The following CA8 variants were observed in gnomAD, a reference collection of about 807,000 sequenced individuals.
The protein encoded by CA8 is carbonic anhydrase-related protein.
CA8 carries 22 observed loss-of-function variants against 41.4 expected under a neutral mutation model. The observed-to-expected ratio is 0.53, with a 90% confidence interval of 0.38 to 0.76. The LOEUF (loss-of-function observed/expected upper bound fraction) is 0.76. Ranked by LOEUF, CA8 falls within the 30% of genes least tolerant of loss-of-function variation. The pLI is 0.00. For missense variants in CA8, 270 were observed against 352.8 expected, an observed-to-expected ratio of 0.77 and a Z score of 1.88; for synonymous variants, 121 against 130.6, an observed-to-expected ratio of 0.93 and a Z score of 0.50.
At chr8:60,250,440 G>A (rs1563369697) in intron 3 of CA8, among the ~76,000 whole-genome samples, 1 of 152,182 alleles carries the variant, frequency 6.6e-6, no homozygotes. Context: ...GGAACCAAAA[G>A]CTCCTCTTTT....
At chr8:60,219,164 C>CA (rs1807141966) in intron 7 of CA8, among the ~76,000 whole-genome samples, 1 of 144,080 alleles carries the variant, frequency 6.9e-6, no homozygotes, top group Non-Finnish European at 1.5e-5. Context: ...GTTATTCTGC[C>CA]TTTTTTTTTT....
chr8:60,200,730 T>A (rs10109479), intron 8 of CA8, among the ~76,000 whole-genome samples: 72,111 of 129,528 alleles, frequency 0.56, 18,657 homozygotes, highest in African/African-American at 0.71. Context: ...TGACAATAAC[T>A]AACCACCACA....
At chr8:60,252,096 C>G (rs1808474708) in intron 3 of CA8, among the ~76,000 whole-genome samples, 1 of 152,096 alleles carries the variant, frequency 6.6e-6, no homozygotes, top group African/African-American at 2.4e-5. Context: ...TCTTTATATT[C>G]TATTTTAAAA....
chr8:60,262,982 T>C (rs912010426), intron 3 of CA8, among the ~76,000 whole-genome samples: 60 of 152,190 alleles, frequency 3.9e-4, no homozygotes, highest in Admixed American at 3.5e-3. Context: ...AAAATCTCTT[T>C]AGGGCTGTTG....
intron 3 of CA8, among the ~76,000 whole-genome samples, chr8:60,244,726 A>T (rs982885848): frequency 6.6e-6 from 1 of 152,230 alleles, no homozygotes; most frequent in Non-Finnish European, 1.5e-5. Context: ...TACAATTTAC[A>T]ATAAAATGCA....
chr8:60,216,851 C>T (rs953151320), intron 7 of CA8, among the ~76,000 whole-genome samples: 5 of 152,136 alleles, frequency 3.3e-5, no homozygotes, highest in Non-Finnish European at 7.4e-5. Context: ...AAATCTAAAC[C>T]TTTCAATAAA....
At chr8:60,224,846 C>T (rs566456984) in intron 5 of CA8, among the ~76,000 whole-genome samples, 54 of 152,050 alleles carry the variant, frequency 3.6e-4, no homozygotes, top group Non-Finnish European at 6.5e-4. Context: ...CTTGGTGCCC[C>T]ATCTGCCCCA....
chr8:60,257,213 G>T (rs188423513), intron 3 of CA8, among the ~76,000 whole-genome samples: 44 of 152,224 alleles, frequency 2.9e-4, no homozygotes, highest in Non-Finnish European at 1.6e-4. Flanking sequence ...CCTAACCTCA[G>T]GTGATCTGCC....
At chr8:60,255,788 A>G (rs1808615287) in intron 3 of CA8, among the ~76,000 whole-genome samples, 2 of 152,224 alleles carry the variant, frequency 1.3e-5, no homozygotes, top group Admixed American at 1.3e-4. Context: ...CAATATACCT[A>G]ATACTGCTCT....
chr8:60,269,633 T>C (rs925662942), intron 2 of CA8, among the ~76,000 whole-genome samples: 5 of 152,236 alleles, frequency 3.3e-5, no homozygotes, highest in Non-Finnish European at 5.9e-5. Context: ...AATCCTTTGC[T>C]GAAAACAAAT....
rs1314113418 is a variant in CA8 at position 60,185,658 on chromosome 8, AAAACAG to A, written c.*4357_*4362del. ...CATCTCAGCAGATGCTGAGAAAACA[AAAACAG>A]AAACAGAAACTTTTCACCAGGAGTT... On this transcript the variant is annotated 3_prime_UTR_variant, in exon 9 of 9. Transcript: ENST00000317995. Among the ~76,000 whole-genome samples, 1 of 152,170 alleles carries A rather than the reference AAAACAG, an allele frequency of 6.6e-6. No individual in the cohort carries two copies. Among genetic ancestry groups the A allele is most frequent in the Non-Finnish European group, 1.5e-5 (1 of 68,016 alleles).
At chr8:60,263,741 C>T (rs1276637903) in intron 3 of CA8, among the ~76,000 whole-genome samples, 2 of 152,200 alleles carry the variant, frequency 1.3e-5, no homozygotes, top group African/African-American at 4.8e-5. Context: ...CTCTCTTTCA[C>T]CATACCACAA....
At chr8:60,253,402 T>C (rs1808517021) in intron 3 of CA8, among the ~76,000 whole-genome samples, 1 of 152,138 alleles carries the variant, frequency 6.6e-6, no homozygotes, top group South Asian at 2.1e-4. Flanking sequence ...TCCAATAATA[T>C]TCCATTTCTC....
At chr8:60,222,569 AC>A (rs1807288940) in intron 7 of CA8, 79 bp downstream of exon 7, 10 of 914,924 alleles carry the variant, frequency 1.1e-5, no homozygotes, top group Non-Finnish European at 1.8e-5. Context: ...AAGCTAAAAC[AC>A]AAAACAGACA....
chr8:60,223,527 C>G (rs1033373589), intron 6 of CA8, among the ~76,000 whole-genome samples: 2 of 152,208 alleles, frequency 1.3e-5, no homozygotes, highest in African/African-American at 4.8e-5. Context: ...TCAAGCAATC[C>G]TCTTGCATCA....
intron 7 of CA8, among the ~76,000 whole-genome samples, chr8:60,220,512 G>A (rs577262836): frequency 3.3e-5 from 5 of 152,178 alleles, no homozygotes; most frequent in Admixed American, 2.0e-4. Context: ...GGCAGCACTC[G>A]TCCACAGCAC....
At position 60,224,427 on chromosome 8, in the gene CA8, T is replaced by G. The variant is rs567295739; in HGVS notation, c.625+110A>C. ...GGTATCTGCTAAACAGAATACAAATTGCAAATAAGTTTTATTAATTAACAA... is the reference window on the plus strand; with the variant it reads ...GGTATCTGCTAAACAGAATACAAATGGCAAATAAGTTTTATTAATTAACAA... On this transcript the variant is annotated intron_variant, in intron 6 of 8. Coordinates refer to ENST00000317995, the MANE Select transcript of CA8 (RefSeq NM_004056.6). The G allele has an allele frequency of 8.3e-6, 6 of 725,568 alleles. No homozygotes were observed. In the African/African-American group the frequency reaches 9.0e-5, roughly 11 times the overall value. 44.9% of individuals were successfully genotyped at this position (725,568 alleles called of 1,614,324 possible). A position where few individuals can be genotyped will look rare whatever the true frequency, so the allele number is the denominator to read the frequency against.
chr8:60,218,830 C>T (rs986680825), intron 7 of CA8, among the ~76,000 whole-genome samples: 4 of 152,092 alleles, frequency 2.6e-5, no homozygotes, highest in Non-Finnish European at 5.9e-5. Context: ...CTATACGACC[C>T]ACGGCCCCTG....
chr8:60,254,568 A>G (rs998620309), intron 3 of CA8, among the ~76,000 whole-genome samples: 1 of 152,254 alleles, frequency 6.6e-6, no homozygotes, highest in African/African-American at 2.4e-5. Flanking sequence ...CAAGTTGGAT[A>G]AGTGATATTT....
Sources: gnomAD v4.1 joint callset for allele counts (sites outside exome capture counted in the v4.1 genomes callset) on GRCh38, gnomAD v4.1.1 for gene constraint, MANE v1.5 for transcripts, NCBI Gene and HGNC (gene_info 2026-07-23, HGNC 2026-07-21) for gene names.